FKBP15: variants seen among roughly 807,000 people sequenced by gnomAD.
FKBP15 encodes the protein FKBP prolyl isomerase family member 15.
A neutral mutation model predicts 158.1 loss-of-function variants in FKBP15; 106 were observed. That is an observed-to-expected ratio of 0.67 (90% CI 0.57 to 0.79). FKBP15 has a LOEUF of 0.79. Among genes scored for constraint, FKBP15 ranks in the 30% least tolerant of loss-of-function variants. The pLI is 0.00. For missense variants in FKBP15, 1,287 were observed against 1,479.1 expected (o/e 0.87, Z 2.13); for synonymous variants, 547 against 548.6 (o/e 1.00, Z 0.04).
At chr9:113,196,030 A>G (rs1283105212) in intron 9 of FKBP15, among the ~76,000 whole-genome samples, 2 of 136,228 alleles carry the variant, frequency 1.5e-5, no homozygotes, top group African/African-American at 2.7e-5. Context: ...ACACACACAC[A>G]TGCACACACA....
intron 11 of FKBP15, among the ~76,000 whole-genome samples, chr9:113,193,186 G>A (rs1471464776): frequency 6.6e-6 from 1 of 152,164 alleles, no homozygotes; most frequent in African/African-American, 2.4e-5. Context: ...AGAAGCTGAG[G>A]CTAACTTACA....
chr9:113,208,230 A>C (rs1830932597), intron 2 of FKBP15, among the ~76,000 whole-genome samples: 1 of 152,082 alleles, frequency 6.6e-6, no homozygotes, highest in Admixed American at 6.6e-5. Flanking sequence ...CCAGCTACTC[A>C]TGAGGCTGAA....
At chr9:113,206,448 G>A in intron 4 of FKBP15, 61 bp downstream of exon 4, 3 of 1,365,428 alleles carry the variant, frequency 2.2e-6, no homozygotes, top group South Asian at 2.4e-5. Context: ...CCAGATAAAA[G>A]CCAGCTCATT....
rs140041052 is a variant in FKBP15, at chr9:113,166,392, C to A, written c.3583-237G>T. Among the ~76,000 whole-genome samples, 5 of 152,322 alleles carry A rather than the reference C, an allele frequency of 3.3e-5. No individual in the cohort carries two copies. The East Asian group carries it at 9.6e-4, about 29-fold the overall frequency. On this transcript the variant is annotated intron_variant, in intron 27 of 27. Transcript: ENST00000238256. The stretch of plus-strand genomic sequence containing the variant: ...AAAAGATGAACTTTGTTTGGCTAAT[C>A]TCATCATTTATTTATGAAGCACATG...
At chr9:113,188,545 C>G in intron 12 of FKBP15, 54 bp from the exon 13 acceptor site, 1 of 1,388,054 alleles carries the variant, frequency 7.2e-7, no homozygotes, top group Non-Finnish European at 1.0e-6. Flanking sequence ...TCATTGAAGA[C>G]TGAGGCTGAC....
chr9:113,174,464 C>A lies in FKBP15; in HGVS notation c.2343G>T (p.Lys781Asn). The change falls in exon 22 of 28, where the codon AAG becomes AAT. Residue 781 changes from lysine (K) to asparagine (N), a missense_variant. Coordinates refer to ENST00000238256, the MANE Select transcript of FKBP15 (RefSeq NM_015258.2). ...CTGCTTGGTCTGTGGACACTCGAGT[C>A]TTTTTCAAGAGCTGTCGAAGTTTGT... ...ELDKLRQLLKKTRVSTDQAAA... is the reference protein window; with the variant it reads ...ELDKLRQLLKNTRVSTDQAAA... 6.2e-7 allele frequency: 1 copy of A among 1,613,992 alleles called. No individual in the cohort carries two copies. Among genetic ancestry groups the A allele is most frequent in the Non-Finnish European group, 8.5e-7 (1 of 1,179,876 alleles).
chr9:113,171,548 A>G, intron 24 of FKBP15, 33 bp downstream of exon 24: 1 of 1,598,910 alleles, frequency 6.3e-7, no homozygotes, highest in Non-Finnish European at 8.5e-7. Context: ...CTTGATATAA[A>G]TGGCTTGCTT....
intron 1 of FKBP15, among the ~76,000 whole-genome samples, chr9:113,215,812 G>A (rs1010876314): frequency 1.3e-5 from 2 of 150,862 alleles, no homozygotes; most frequent in African/African-American, 4.9e-5. Context: ...ACCATGCCCT[G>A]CTAATTTCTG....
intron 1 of FKBP15, among the ~76,000 whole-genome samples, chr9:113,214,903 C>T (rs1309250633): frequency 6.6e-6 from 1 of 152,244 alleles, no homozygotes; most frequent in African/African-American, 2.4e-5. Flanking sequence ...CCTTCAACCT[C>T]ATGAACCAAC....
chr9:113,221,228 C>T lies in FKBP15; in HGVS notation c.16G>A (p.Asp6Asn). The part of the protein sequence containing the change: MFGAG[D>N]EDDTDFLSPS... Reference sequence around the variant, plus strand: ...GAGAGGAAATCGGTGTCGTCCTCGTCCCCCGCACCGAACATTGCGTTGGCT... The same window carrying T: ...GAGAGGAAATCGGTGTCGTCCTCGTTCCCCGCACCGAACATTGCGTTGGCT... The change falls in exon 1 of 28, where the codon GAC becomes AAC. Residue 6 changes from aspartate (D) to asparagine (N), a missense_variant. Transcript: ENST00000238256. The T allele has an allele frequency of 6.2e-7, 1 of 1,609,168 alleles. No individual in the cohort carries two copies. The highest frequency in any genetic ancestry group is 8.5e-7 in the Non-Finnish European group (1 of 1,177,882).
At chr9:113,217,739 A>G (rs1445860386) in intron 1 of FKBP15, among the ~76,000 whole-genome samples, 2 of 152,034 alleles carry the variant, frequency 1.3e-5, no homozygotes, top group East Asian at 1.9e-4. Flanking sequence ...TACTTGGGAG[A>G]CTGAGGCAAG....
Position 113,169,218 on chromosome 9 carries a change from A to G in FKBP15, c.3485+6T>C. 6.2e-7 allele frequency: 1 copy of G among 1,610,016 alleles called. No homozygotes were observed. The highest frequency in any genetic ancestry group is 8.5e-7 in the Non-Finnish European group (1 of 1,177,700). On this transcript the variant is annotated splice_donor_region_variant and intron_variant, in intron 26 of 27. Transcript: ENST00000238256. ...TGTCCCTGAAGCAGTGCTCAGAGGAACATACCTGGAACGCTGGGAATGATG... is the reference window on the plus strand; with the variant it reads ...TGTCCCTGAAGCAGTGCTCAGAGGAGCATACCTGGAACGCTGGGAATGATG...
rs766346838 is a variant in FKBP15, at chr9:113,211,542, C to T, written c.104G>A (p.Gly35Glu). 5.6e-6 allele frequency: 9 copies of T among 1,608,606 alleles called. No homozygotes were observed. The South Asian group carries it at 1.0e-4, about 18-fold the overall frequency. ...FGLDQAAAGHGNEFFQYTAPK... is the reference protein window; with the variant it reads ...FGLDQAAAGHENEFFQYTAPK... Reference sequence around the variant, plus strand: ...GGCTGTGTACTGGAAAAATTCATTTCCATGGCCAGCAGCTGCCTGATCCAG... The same window carrying T: ...GGCTGTGTACTGGAAAAATTCATTTTCATGGCCAGCAGCTGCCTGATCCAG... The change falls in exon 2 of 28, where the codon GGA (glycine) becomes GAA (glutamate). Residue 35 changes from glycine (G) to glutamate (E), a missense_variant. Coordinates refer to ENST00000238256, the MANE Select transcript of FKBP15 (RefSeq NM_015258.2).
chr9:113,174,460 G>C lies in FKBP15; in HGVS notation c.2347C>G (p.Arg783Gly). The change falls in exon 22 of 28, where the codon CGA (arginine) becomes GGA (glycine). Residue 783 changes from arginine to glycine, a missense_variant. Arg to Gly is a moderately radical substitution (Grantham distance 125). Coordinates refer to ENST00000238256, the MANE Select transcript of FKBP15 (RefSeq NM_015258.2). ...GCAGCTGCTTGGTCTGTGGACACTC[G>C]AGTCTTTTTCAAGAGCTGTCGAAGT... ...DKLRQLLKKT[R>G]VSTDQAAAEQ... 6.2e-7 allele frequency: 1 copy of C among 1,613,928 alleles called. No homozygotes were observed. Among genetic ancestry groups the C allele is most frequent in the Non-Finnish European group, 8.5e-7 (1 of 1,179,844 alleles).
intron 15 of FKBP15, 150 bp downstream of exon 15, chr9:113,186,099 G>A (rs780228328): frequency 3.3e-6 from 2 of 598,408 alleles, no homozygotes; most frequent in Admixed American, 3.0e-5. Flanking sequence ...ATGAATGAAT[G>A]TGTGGAATAC....
chr9:113,203,168 C>T (rs577146113), intron 4 of FKBP15, 133 bp from the exon 5 acceptor site: 3 of 631,882 alleles, frequency 4.7e-6, no homozygotes, highest in Admixed American at 2.9e-5. Context: ...AAAATCTATT[C>T]ATCCTTTAAG....
In FKBP15 at chr9:113,173,621, A is replaced by T; in HGVS notation, c.2380-16T>A. 2 of 1,611,582 alleles carry T rather than the reference A, an allele frequency of 1.2e-6. No homozygotes were observed. Among genetic ancestry groups the T allele is most frequent in the Non-Finnish European group, 1.7e-6 (2 of 1,178,088 alleles). On this transcript the variant is annotated splice_polypyrimidine_tract_variant and intron_variant, in intron 22 of 27. Coordinates refer to ENST00000238256, the MANE Select transcript of FKBP15 (RefSeq NM_015258.2). The stretch of plus-strand genomic sequence containing the variant: ...CTAAAGACAGCTGCCAAGAGAAAGT[A>T]ATGACCATATCATCCTTGGGGGTGG...
At chr9:113,208,557 A>G (rs1449837854) in intron 2 of FKBP15, among the ~76,000 whole-genome samples, 1 of 152,180 alleles carries the variant, frequency 6.6e-6, no homozygotes, top group Admixed American at 6.5e-5. Flanking sequence ...ATAGAGTACA[A>G]GTGCATTGTA....
chr9:113,209,981 C>G (rs892403218), intron 2 of FKBP15, among the ~76,000 whole-genome samples: 2 of 152,164 alleles, frequency 1.3e-5, no homozygotes, highest in African/African-American at 4.8e-5. Flanking sequence ...GGTGGAGGCT[C>G]AGGATGGAGC....
Sources: gnomAD v4.1 joint callset for allele counts (sites outside exome capture counted in the v4.1 genomes callset) on GRCh38, gnomAD v4.1.1 for gene constraint, MANE v1.5 for transcripts, NCBI Gene and HGNC (gene_info 2026-07-23, HGNC 2026-07-21) for gene names.